The following LRRIQ1 variants were observed in gnomAD, a reference collection of about 807,000 sequenced individuals.
The protein encoded by LRRIQ1 is leucine-rich repeat- and IQ domain-containing protein 1.
LRRIQ1 carries 210 observed loss-of-function variants against 211.9 expected under a neutral mutation model. The ratio of observed to expected loss-of-function variants is 0.99; its 90% CI spans 0.89 to 1.11. LRRIQ1 has a LOEUF of 1.11. Among genes scored for constraint, LRRIQ1 ranks in the 50% most tolerant of loss-of-function variants. LRRIQ1 has a pLI of 0.00. For synonymous variants in LRRIQ1, 699 were observed against 650.1 expected (o/e 1.08, Z -1.14); for missense variants, 2,136 against 1,939.5 (o/e 1.10, Z -1.90).
At chr12:85,126,181 G>C (rs1258347859) in intron 17 of LRRIQ1, among the ~76,000 whole-genome samples, 1 of 152,060 alleles carries the variant, frequency 6.6e-6, no homozygotes, top group African/African-American at 2.4e-5. Flanking sequence ...CAGTCCATAT[G>C]TTAGTGTCAC....
At chr12:85,140,307 T>C (rs1889442447) in intron 19 of LRRIQ1, among the ~76,000 whole-genome samples, 1 of 151,310 alleles carries the variant, frequency 6.6e-6, no homozygotes, top group Non-Finnish European at 1.5e-5. Context: ...CTGACTATAA[T>C]AAAATATTCA....
At chr12:85,089,528 G>C (rs572407621) in intron 11 of LRRIQ1, among the ~76,000 whole-genome samples, 1 of 152,274 alleles carries the variant, frequency 6.6e-6, no homozygotes, top group African/African-American at 2.4e-5. Flanking sequence ...GAAACTTATG[G>C]GGAATTGGCA....
intron 1 of LRRIQ1, among the ~76,000 whole-genome samples, chr12:85,257,080 ATAAT>A (rs1896126407): frequency 8.6e-6 from 1 of 116,386 alleles, no homozygotes; most frequent in Non-Finnish European, 1.7e-5. Flanking sequence ...ATAAATATAT[ATAAT>A]TATATTATAT....
At chr12:85,231,443 G>T (rs1593003149) in intron 25 of LRRIQ1, among the ~76,000 whole-genome samples, 1 of 152,094 alleles carries the variant, frequency 6.6e-6, no homozygotes. Flanking sequence ...ATTTTATGTT[G>T]TTATTAAGCG....
In LRRIQ1 at chr12:85,040,510, A is replaced by G; in HGVS notation, c.153A>G (p.Glu51=). Residue 51 remains glutamate, a synonymous_variant, in exon 3 of 27, where the codon GAA becomes GAG. Transcript: ENST00000393217. The part of the protein sequence containing the change: ...DSDTDSVELP[E]SVLHCINIIK... The stretch of plus-strand genomic sequence containing the variant: ...TTTAGGATTCAGTTGAATTACCAGA[A>G]TCAGTTCTTCACTGTATTAACATCA... The G allele has an allele frequency of 6.4e-7, 1 of 1,550,922 alleles. No individual in the cohort carries two copies. The highest frequency in any genetic ancestry group is 8.7e-7 in the Non-Finnish European group (1 of 1,148,070).
At position 85,098,867 on chromosome 12, in the gene LRRIQ1, C is replaced by T; in HGVS notation, c.3082C>T (p.Leu1028Phe). The T allele has an allele frequency of 6.5e-7, 1 of 1,550,200 alleles. No individual in the cohort carries two copies. Among genetic ancestry groups the T allele is most frequent in the African/African-American group, 1.4e-5 (1 of 72,146 alleles). Residue 1028 changes from leucine to phenylalanine, a missense_variant and splice_region_variant, in exon 13 of 27, where the codon CTT becomes TTT. Coordinates refer to ENST00000393217, the MANE Select transcript of LRRIQ1 (RefSeq NM_001079910.2). ...LKLQGNYLSE[L>F]PSLENLVLLR... is the part of the protein sequence containing the mutation. Reference sequence around the variant, plus strand: ...ACTAATGAACCAAATTTAAATATAGCTTCCATCCTTGGAGAATCTTGTTTT... The same window carrying T: ...ACTAATGAACCAAATTTAAATATAGTTTCCATCCTTGGAGAATCTTGTTTT...
chr12:85,146,124 T>C (rs1423590706), intron 19 of LRRIQ1, among the ~76,000 whole-genome samples: 3 of 142,802 alleles, frequency 2.1e-5, no homozygotes, highest in Non-Finnish European at 4.6e-5. Context: ...TTAATCCAAC[T>C]ATAGCTGGAC....
chr12:85,204,215 A>C (rs1324026772), intron 24 of LRRIQ1, among the ~76,000 whole-genome samples: 1 of 152,208 alleles, frequency 6.6e-6, no homozygotes, highest in Non-Finnish European at 1.5e-5. Context: ...GAAGTCAAGA[A>C]TTCAGGTTCA....
chr12:85,048,905 A>G (rs1879969583), intron 6 of LRRIQ1, among the ~76,000 whole-genome samples: 2 of 152,152 alleles, frequency 1.3e-5, no homozygotes, highest in South Asian at 2.1e-4. Flanking sequence ...TATTTGTTTT[A>G]TAACCAAAAT....
downstream of LRRIQ1, among the ~76,000 whole-genome samples, chr12:85,268,691 C>G (rs923808436): frequency 3.7e-5 from 4 of 107,284 alleles, no homozygotes; most frequent in African/African-American, 2.6e-4. Context: ...ATCCCTTTCC[C>G]TTTAAAGGAA....
intron 24 of LRRIQ1, among the ~76,000 whole-genome samples, chr12:85,178,913 A>T (rs1418668599): frequency 7.3e-5 from 5 of 68,808 alleles, no homozygotes; most frequent in Admixed American, 4.9e-4. Flanking sequence ...CTCTGTCTTT[A>T]AAAAAAAAAA....
chr12:85,101,964 A>G (rs1160722108), intron 13 of LRRIQ1, among the ~76,000 whole-genome samples: 1 of 151,754 alleles, frequency 6.6e-6, no homozygotes, highest in Non-Finnish European at 1.5e-5. Context: ...AAAAAAGAAA[A>G]AAAGTTGTAT....
At chr12:85,257,617 A>G (rs1896158343) in intron 1 of LRRIQ1, among the ~76,000 whole-genome samples, 1 of 151,812 alleles carries the variant, frequency 6.6e-6, no homozygotes, top group African/African-American at 2.4e-5. Context: ...GTGGGAAACC[A>G]GAAAACCACA....
At position 85,153,770 on chromosome 12, in the gene LRRIQ1, AT is replaced by A. The variant is rs1335412560; in HGVS notation, c.4637+15del. ...ATTTCAGAAGAATGGTATGTAGTCA[AT>A]TTGACACTAATAAATTAAAAAATTG... On this transcript the variant is annotated intron_variant, in intron 22 of 26. Coordinates refer to ENST00000393217, the MANE Select transcript of LRRIQ1 (RefSeq NM_001079910.2). 3.5e-6 allele frequency: 5 copies of A among 1,443,964 alleles called. No individual in the cohort carries two copies. Among genetic ancestry groups the A allele is most frequent in the Non-Finnish European group, 4.7e-6 (5 of 1,064,692 alleles). The allele number at this position is 1,443,964 out of a possible 1,614,324, so 89.4% of individuals were successfully genotyped here.
downstream of LRRIQ1, among the ~76,000 whole-genome samples, chr12:85,266,822 A>G (rs973826020): frequency 2.6e-5 from 4 of 152,170 alleles, no homozygotes; most frequent in African/African-American, 9.6e-5. Flanking sequence ...AAGGTGCTAC[A>G]GGAAGATTCT....
intron 15 of LRRIQ1, 26 bp downstream of exon 15, chr12:85,106,641 G>A (rs763856675): frequency 1.0e-5 from 15 of 1,440,446 alleles, no homozygotes; most frequent in South Asian, 2.3e-5. Flanking sequence ...TGCACCCCAT[G>A]TATATCCATT....
At chr12:85,155,636 C>T (rs1024205501) in intron 23 of LRRIQ1, among the ~76,000 whole-genome samples, 3 of 151,598 alleles carry the variant, frequency 2.0e-5, no homozygotes, top group Admixed American at 1.3e-4. Context: ...AGCCAATATT[C>T]AACAAATAAT....
At chr12:85,142,697 C>G (rs1459495117) in intron 19 of LRRIQ1, among the ~76,000 whole-genome samples, 1 of 151,472 alleles carries the variant, frequency 6.6e-6, no homozygotes, top group Non-Finnish European at 1.5e-5. Flanking sequence ...TTTTTGGATT[C>G]CCTGTCTGAG....
intron 24 of LRRIQ1, among the ~76,000 whole-genome samples, chr12:85,169,399 A>C (rs1891303569): frequency 6.6e-6 from 1 of 152,142 alleles, no homozygotes; most frequent in African/African-American, 2.4e-5. Context: ...TTAATGTGAT[A>C]TGATAGCTCT....
Sources: gnomAD v4.1 joint callset for allele counts (sites outside exome capture counted in the v4.1 genomes callset) on GRCh38, gnomAD v4.1.1 for gene constraint, MANE v1.5 for transcripts, NCBI Gene and HGNC (gene_info 2026-07-23, HGNC 2026-07-21) for gene names.